Variants in ARHGAP26 observed in about 807,000 individuals in gnomAD.
ARHGAP26 encodes rho GTPase-activating protein 26.
Under a neutral mutation model 104.8 loss-of-function variants are expected in ARHGAP26, and 38 were observed. That is an observed-to-expected ratio of 0.36 (90% CI 0.28 to 0.48). ARHGAP26 has a LOEUF of 0.48. ARHGAP26 is among the 20% of genes least tolerant of loss of function. ARHGAP26 has a pLI of 0.99. For missense variants in ARHGAP26, 704 were observed against 947.9 expected (o/e 0.74, Z 3.38); for synonymous variants, 341 against 340.0 (o/e 1.00, Z -0.03).
intron 1 of ARHGAP26, 134 bp from the exon 2 acceptor site, chr5:142,873,266 C>T: frequency 1.6e-6 from 1 of 623,422 alleles, no homozygotes; most frequent in Non-Finnish European, 2.8e-6. Flanking sequence ...AATTTATATT[C>T]TTTTGTGCTT....
chr5:143,069,531 C>A (rs542031485), intron 17 of ARHGAP26, among the ~76,000 whole-genome samples: 3 of 152,314 alleles, frequency 2.0e-5, no homozygotes, highest in Admixed American at 2.0e-4. Context: ...GTCCCCACAT[C>A]TGTACTAAGG....
chr5:143,014,281 C>T (rs1779292519), intron 12 of ARHGAP26, 165 bp downstream of exon 12: 1 of 702,766 alleles, frequency 1.4e-6, no homozygotes, highest in Non-Finnish European at 2.5e-6. Flanking sequence ...CCGCCAGTGA[C>T]TCCAGAGGGA....
chr5:142,985,711 G>A (rs188904927), intron 11 of ARHGAP26, among the ~76,000 whole-genome samples: 33 of 135,902 alleles, frequency 2.4e-4, no homozygotes, highest in Middle Eastern at 4.1e-3. Context: ...CTGTGTCCAA[G>A]TGTTCTCATT....
intron 11 of ARHGAP26, among the ~76,000 whole-genome samples, chr5:142,939,278 T>C (rs977302670): frequency 1.3e-5 from 2 of 152,210 alleles, no homozygotes; most frequent in African/African-American, 2.4e-5. Flanking sequence ...CACAGTTGAA[T>C]GGTATCAACC....
At chr5:143,025,472 CTGA>C (rs1263103943) in intron 12 of ARHGAP26, among the ~76,000 whole-genome samples, 2 of 152,198 alleles carry the variant, frequency 1.3e-5, no homozygotes, top group East Asian at 3.8e-4. Flanking sequence ...CCTCAGAAAG[CTGA>C]TGATGATCTC....
intron 20 of ARHGAP26, among the ~76,000 whole-genome samples, chr5:143,185,014 T>G (rs1176654364): frequency 6.6e-6 from 1 of 152,112 alleles, no homozygotes; most frequent in Non-Finnish European, 1.5e-5. Context: ...TACCCCTGTA[T>G]TATTTACTAT....
intron 1 of ARHGAP26, among the ~76,000 whole-genome samples, chr5:142,838,829 T>C (rs1201724170): frequency 6.6e-6 from 1 of 152,186 alleles, no homozygotes; most frequent in African/African-American, 2.4e-5. Context: ...GGAAACAGAC[T>C]CAGAAAAGTT....
At chr5:143,198,774 A>G (rs895230321) in intron 20 of ARHGAP26, among the ~76,000 whole-genome samples, 21 of 152,326 alleles carry the variant, frequency 1.4e-4, no homozygotes, top group African/African-American at 4.8e-4. Context: ...CTAAGTTTAA[A>G]GTTTATTTAA....
chr5:142,925,827 G>A (rs920433422), intron 10 of ARHGAP26, among the ~76,000 whole-genome samples: 9 of 152,278 alleles, frequency 5.9e-5, no homozygotes, highest in Non-Finnish European at 1.2e-4. Context: ...GCTGGGGAAT[G>A]AACTCTTGCC....
chr5:143,002,332 T>C (rs1777294389), intron 11 of ARHGAP26, among the ~76,000 whole-genome samples: 1 of 150,216 alleles, frequency 6.7e-6, no homozygotes, highest in South Asian at 2.1e-4. Flanking sequence ...AGAGCAAGGT[T>C]CTCTCTTCTG....
Position 143,013,394 on chromosome 5 carries a change from G to C in ARHGAP26, c.1108-686G>C, listed in dbSNP as rs187114125. 2.0e-5 allele frequency among the ~76,000 whole-genome samples: 3 copies of C among 152,236 alleles called. No homozygotes were observed. The East Asian group carries it at 5.8e-4, about 29-fold the overall frequency. Reference sequence around the variant, plus strand: ...TTGCTGACCCTTGCAATATGTCATTGTCTCTTTTATATTGGGCATTTTCTT... The same window carrying C: ...TTGCTGACCCTTGCAATATGTCATTCTCTCTTTTATATTGGGCATTTTCTT... On this transcript the variant is annotated intron_variant, in intron 11 of 22. Coordinates refer to ENST00000645722, the MANE Select transcript of ARHGAP26 (RefSeq NM_001135608.3).
intron 14 of ARHGAP26, among the ~76,000 whole-genome samples, chr5:143,042,650 G>A (rs942744320): frequency 6.6e-6 from 1 of 152,272 alleles, no homozygotes; most frequent in African/African-American, 2.4e-5. Context: ...GCCCTGGCTT[G>A]TAGAGAGGGA....
chr5:143,088,630 C>T lies in ARHGAP26; in HGVS notation c.1538+30883C>T, dbSNP rs569599429. Reference sequence around the variant, plus strand: ...TTTCGGTGCCGCAAAAGGAATAGCACTCGAATATAAAATTTTCTTTATAAT... The same window carrying T: ...TTTCGGTGCCGCAAAAGGAATAGCATTCGAATATAAAATTTTCTTTATAAT... On this transcript the variant is annotated intron_variant, in intron 17 of 22. Coordinates refer to ENST00000645722, the MANE Select transcript of ARHGAP26 (RefSeq NM_001135608.3). Among the ~76,000 whole-genome samples the T allele has an allele frequency of 2.8e-4, 43 of 152,300 alleles. No homozygotes were observed. The South Asian group carries it at 8.5e-3, about 30-fold the overall frequency.
intron 1 of ARHGAP26, among the ~76,000 whole-genome samples, chr5:142,822,366 A>G (rs558524167): frequency 8.3e-4 from 126 of 152,124 alleles, no homozygotes; most frequent in Non-Finnish European, 1.4e-3. Flanking sequence ...GGGGAAGGCT[A>G]TCTTCATTTT....
rs115663005 is a variant in ARHGAP26 at position 142,868,640 on chromosome 5, G to A, written c.155-4760G>A. ...AGAGGATGACATGTACTGGTGACTT[G>A]TGCGGCAGGGTGAATGGTGGTGCCC... On this transcript the variant is annotated intron_variant, in intron 1 of 22. Transcript: ENST00000645722. Among the ~76,000 whole-genome samples, 699 of 152,306 alleles carry A rather than the reference G, an allele frequency of 4.6e-3. 9 individuals are homozygous for A. Among genetic ancestry groups the A allele is most frequent in the African/African-American group, 0.016 (666 of 41,560 alleles).
intron 20 of ARHGAP26, among the ~76,000 whole-genome samples, chr5:143,154,924 G>A (rs1351486171): frequency 1.3e-5 from 2 of 152,110 alleles, no homozygotes; most frequent in Non-Finnish European, 2.9e-5. Context: ...CAAACAGGCT[G>A]CTATGCTTTT....
In ARHGAP26 at chr5:142,873,413, G is replaced by A. The variant is rs766608479; in HGVS notation, c.168G>A (p.Ala56=). The A allele has an allele frequency of 1.2e-5, 19 of 1,591,230 alleles. No homozygotes were observed. The highest frequency in any genetic ancestry group is 4.7e-5 in the South Asian group (4 of 85,878). The change falls in exon 2 of 23, where the codon GCG becomes GCA. Residue 56 remains alanine, a synonymous_variant. Coordinates refer to ENST00000645722, the MANE Select transcript of ARHGAP26 (RefSeq NM_001135608.3). ...TTTTCTTGCTAGATTTGTCTTCAGC[G>A]AAGCGGAAGTTTGCAGATTCCTTAA... is the stretch of plus-strand genomic sequence containing the variant. ...LISALKNLSS[A]KRKFADSLNE... is the part of the protein sequence containing the mutation.
intron 17 of ARHGAP26, among the ~76,000 whole-genome samples, chr5:143,085,044 C>CAAA (rs56852430): frequency 4.9e-4 from 30 of 61,576 alleles, no homozygotes; most frequent in East Asian, 4.8e-3. Context: ...GACTCCATCT[C>CAAA]AAAAAAAAAA....
At position 143,062,862 on chromosome 5, in the gene ARHGAP26, T is replaced by G. The variant is rs3756381; in HGVS notation, c.1538+5115T>G. The stretch of plus-strand genomic sequence containing the variant: ...TAAGATTTAACTTACCAATGAGCTG[T>G]TAAACATGAGAAGTGCTAGTTATTC... On this transcript the variant is annotated intron_variant, in intron 17 of 22. Coordinates refer to ENST00000645722, the MANE Select transcript of ARHGAP26 (RefSeq NM_001135608.3). Among the ~76,000 whole-genome samples the G allele has an allele frequency of 0.026, 4,021 of 152,312 alleles. 773 individuals carry two copies. The East Asian group carries it at 0.52, about 20-fold the overall frequency.
Sources: gnomAD v4.1 joint callset for allele counts (sites outside exome capture counted in the v4.1 genomes callset) on GRCh38, gnomAD v4.1.1 for gene constraint, MANE v1.5 for transcripts, NCBI Gene and HGNC (gene_info 2026-07-23, HGNC 2026-07-21) for gene names.